SEC24D: variants seen among roughly 807,000 people sequenced by gnomAD.
SEC24D encodes SEC24 homolog D, COPII component.
SEC24D carries 69 observed loss-of-function variants against 116.9 expected under a neutral mutation model. The observed-to-expected ratio is 0.59, with a 90% CI of 0.49 to 0.72. SEC24D has a LOEUF of 0.72. SEC24D is among the 30% of genes least tolerant of loss of function. SEC24D has a pLI of 0.00. For synonymous variants in SEC24D, 405 were observed against 442.8 expected (o/e 0.91, Z 1.07); for missense variants, 1,131 against 1,264.1 (o/e 0.89, Z 1.60).
chr4:118,768,743 G>A (rs907271687), intron 8 of SEC24D, among the ~76,000 whole-genome samples: 1 of 151,630 alleles, frequency 6.6e-6, no homozygotes, highest in Admixed American at 6.6e-5. Flanking sequence ...CCCCAGGACA[G>A]TAAAGATGTC....
At chr4:118,810,137 T>G (rs4557244) in intron 6 of SEC24D, among the ~76,000 whole-genome samples, 6,179 of 104,002 alleles carry the variant, frequency 0.059, 391 homozygotes, top group Admixed American at 0.09. Context: ...TGTGTGTGTG[T>G]CAGAGGGTAT....
chr4:118,768,279 A>C lies in SEC24D; in HGVS notation c.1074T>G (p.Ser358Arg), dbSNP rs1727736295. Residue 358 changes from serine to arginine, a missense_variant, in exon 9 of 23, where the codon AGT (serine) becomes AGG (arginine). Ser to Arg is a moderately radical substitution (Grantham distance 110, BLOSUM62 -1). Coordinates refer to ENST00000280551, the MANE Select transcript of SEC24D (RefSeq NM_014822.4). The stretch of plus-strand genomic sequence containing the variant: ...TGCACCTGTTGCATCTGACTGGTCC[A>C]CTCTCGCCGTGATTTACCAAGTAAA... ...SPLYLVNHGE[S>R]GPVRCNRCKA... is the part of the protein sequence containing the mutation. 6.2e-7 allele frequency: 1 copy of C among 1,613,612 alleles called. No individual in the cohort carries two copies. The highest frequency in any genetic ancestry group is 8.5e-7 in the Non-Finnish European group (1 of 1,179,836).
At chr4:118,765,063 C>A in intron 9 of SEC24D, 146 bp from the exon 10 acceptor site, 2 of 556,056 alleles carry the variant, frequency 3.6e-6, no homozygotes, top group Non-Finnish European at 6.4e-6. Flanking sequence ...CCGTAAATAC[C>A]TACTATTTTA....
intron 13 of SEC24D, among the ~76,000 whole-genome samples, chr4:118,749,189 GA>G (rs1184096178): frequency 1.3e-5 from 2 of 152,000 alleles, no homozygotes; most frequent in Admixed American, 6.6e-5. Context: ...ACTATGTGGG[GA>G]AAAAATGCTA....
At chr4:118,811,602 T>G (rs1251765712) in intron 6 of SEC24D, among the ~76,000 whole-genome samples, 1 of 152,200 alleles carries the variant, frequency 6.6e-6, no homozygotes, top group African/African-American at 2.4e-5. Flanking sequence ...AAGAGGAAAA[T>G]TCTGCTTCCA....
chr4:118,778,825 G>C (rs1413529384), intron 8 of SEC24D, among the ~76,000 whole-genome samples: 1 of 152,136 alleles, frequency 6.6e-6, no homozygotes, highest in African/African-American at 2.4e-5. Context: ...CACATCCCTT[G>C]TAAGTTGGAT....
At position 118,792,759 on chromosome 4, in the gene SEC24D, G is replaced by T. The variant is rs1450463456; in HGVS notation, c.1041+4924C>A. ...CCCAGGGACACAAAGACTGCGGAAG[G>T]CGGCAGGGCCCTCTGCCTAGGAAAA... On this transcript the variant is annotated intron_variant, in intron 8 of 22. Transcript: ENST00000280551. Among the ~76,000 whole-genome samples the T allele has an allele frequency of 1.3e-5, 2 of 152,106 alleles. 1 individual carries two copies. The highest frequency in any genetic ancestry group is 4.2e-4 in the South Asian group (2 of 4,804).
intron 2 of SEC24D, 135 bp from the exon 3 acceptor site, chr4:118,824,884 TAACC>T (rs1730534892): frequency 1.4e-6 from 1 of 737,366 alleles, no homozygotes; most frequent in Non-Finnish European, 2.1e-6. Context: ...CTTTCAAGCT[TAACC>T]ATCACCTACA....
chr4:118,815,152 T>C lies in SEC24D; in HGVS notation c.677A>G (p.Asn226Ser). The change falls in exon 6 of 23, where the codon AAC (asparagine) becomes AGC (serine). Residue 226 changes from asparagine (N) to serine (S), a missense_variant. Transcript: ENST00000280551. ...TGCGCCTGCCATCTGGGGACCAGAG[T>C]TGGCTGCTTGGAAAAAATTTAAAGA... Reference protein sequence around the residue: ...LGAGYPPQQANSGPQMAGAQL... With the variant: ...LGAGYPPQQASSGPQMAGAQL... 1.2e-6 allele frequency: 2 copies of C among 1,613,314 alleles called. No individual in the cohort carries two copies. The highest frequency in any genetic ancestry group is 1.7e-6 in the Non-Finnish European group (2 of 1,179,732).
chr4:118,831,472 G>A (rs141748171), intron 2 of SEC24D, among the ~76,000 whole-genome samples: 107 of 152,274 alleles, frequency 7.0e-4, no homozygotes, highest in African/African-American at 2.6e-3. Context: ...ACTGTGACGT[G>A]CCTCAACAAA....
At chr4:118,774,717 A>G (rs1728054503) in intron 8 of SEC24D, among the ~76,000 whole-genome samples, 1 of 152,120 alleles carries the variant, frequency 6.6e-6, no homozygotes, top group Admixed American at 6.6e-5. Context: ...CCTGGTAAGC[A>G]TTCTAATTGT....
rs1191739087 is a variant in SEC24D at position 118,793,879 on chromosome 4, A to G, written c.1041+3804T>C. Among the ~76,000 whole-genome samples, 3 of 152,210 alleles carry G rather than the reference A, an allele frequency of 2.0e-5. No homozygotes were observed. The East Asian group carries it at 5.8e-4, about 29-fold the overall frequency. On this transcript the variant is annotated intron_variant, in intron 8 of 22. Transcript: ENST00000280551. ...TAGAGAGAGCCTGAGTAGAGAAAAC[A>G]GTACTGTCAAATACATTTACATAGT...
At chr4:118,766,132 C>T (rs940928576) in intron 9 of SEC24D, among the ~76,000 whole-genome samples, 1 of 152,224 alleles carries the variant, frequency 6.6e-6, no homozygotes, top group Non-Finnish European at 1.5e-5. Flanking sequence ...CACATCTACA[C>T]ACAGAAATGT....
intron 13 of SEC24D, among the ~76,000 whole-genome samples, chr4:118,751,168 A>G (rs1169223421): frequency 9.2e-5 from 10 of 109,280 alleles, no homozygotes; most frequent in African/African-American, 1.1e-4. Context: ...GATGATTTAG[A>G]GTGAGGGCTT....
Position 118,735,756 on chromosome 4 carries a change from C to G in SEC24D, c.2496+2505G>C, listed in dbSNP as rs116475385. Reference sequence around the variant, plus strand: ...TCATCCAGGCTAGAGTATGGTGGCACAATCATAGCTCGCTGCATCCTCAAG... The same window carrying G: ...TCATCCAGGCTAGAGTATGGTGGCAGAATCATAGCTCGCTGCATCCTCAAG... On this transcript the variant is annotated intron_variant, in intron 19 of 22. Transcript: ENST00000280551. 2.3e-3 allele frequency: 340 copies of G among 149,172 alleles called. 1 individual carries two copies. Among genetic ancestry groups the G allele is most frequent in the African/African-American group, 7.9e-3 (321 of 40,460 alleles). The allele number at this position is 149,172 out of a possible 1,614,324, so 9.2% of individuals were successfully genotyped here. A position where few individuals can be genotyped will look rare whatever the true frequency, so the allele number is the denominator to read the frequency against.
intron 4 of SEC24D, chr4:118,816,916 C>A: frequency 2.5e-6 from 1 of 396,640 alleles, no homozygotes; most frequent in South Asian, 1.9e-5. Context: ...GGGGCCCCAT[C>A]ATAAACAATA....
intron 14 of SEC24D, among the ~76,000 whole-genome samples, chr4:118,744,467 G>C (rs1726394272): frequency 6.6e-6 from 1 of 152,228 alleles, no homozygotes; most frequent in Non-Finnish European, 1.5e-5. Context: ...GAGGCAACTT[G>C]TGTGTTGCCG....
chr4:118,790,319 T>C (rs1053934760), intron 8 of SEC24D, among the ~76,000 whole-genome samples: 4 of 152,192 alleles, frequency 2.6e-5, no homozygotes, highest in Non-Finnish European at 5.9e-5. Context: ...AATTACTTAA[T>C]TGCATGTATA....
rs71954957 is a variant in SEC24D at position 118,804,885 on chromosome 4, T to TACACACACACACACACACAC, written c.913+938_913+957dup. 3.0e-3 allele frequency among the ~76,000 whole-genome samples: 422 copies of TACACACACACACACACACAC among 140,986 alleles called. 4 individuals carry two copies. Among genetic ancestry groups the TACACACACACACACACACAC allele is most frequent in the Middle Eastern group, 0.011 (3 of 276 alleles). The allele number at this position is 140,986 out of a possible 152,430, so 92.5% of individuals were successfully genotyped here. The stretch of plus-strand genomic sequence containing the variant: ...AAGCATACTTATGTGTATGCATGCA[T>TACACACACACACACACACAC]ACACACACACACACACACACACACA... On this transcript the variant is annotated intron_variant, in intron 7 of 22. Coordinates refer to ENST00000280551, the MANE Select transcript of SEC24D (RefSeq NM_014822.4).
Sources: gnomAD v4.1 joint callset for allele counts (sites outside exome capture counted in the v4.1 genomes callset) on GRCh38, gnomAD v4.1.1 for gene constraint, MANE v1.5 for transcripts, NCBI Gene and HGNC (gene_info 2026-07-23, HGNC 2026-07-21) for gene names.